The following MGLL variants were observed in gnomAD, a reference collection of about 807,000 sequenced individuals.
MGLL encodes the protein lysophospholipase homolog.
MGLL carries 7 observed loss-of-function variants against 29.1 expected under a neutral mutation model. The ratio of observed to expected loss-of-function variants is 0.24; its 90% CI spans 0.14 to 0.45. The LOEUF (loss-of-function observed/expected upper bound fraction) is 0.45, where lower values mean the gene tolerates loss of function less well. Among genes scored for constraint, MGLL ranks in the 20% least tolerant of loss-of-function variants. The probability of loss-of-function intolerance (pLI) is 0.99; values close to 1 mark genes in which losing one functional copy is unlikely to be tolerated. For synonymous variants in MGLL, 148 were observed against 168.3 expected (o/e 0.88, Z 0.93); for missense variants, 356 against 413.6 (o/e 0.86, Z 1.21).
At chr3:127,764,034 C>T (rs2076813140) in intron 3 of MGLL, among the ~76,000 whole-genome samples, 1 of 152,194 alleles carries the variant, frequency 6.6e-6, no homozygotes, top group Non-Finnish European at 1.5e-5. Flanking sequence ...TTGCATGCCA[C>T]TGTCTAAGCT....
intron 3 of MGLL, among the ~76,000 whole-genome samples, chr3:127,771,280 G>A (rs1205728041): frequency 2.0e-5 from 3 of 152,120 alleles, no homozygotes; most frequent in Non-Finnish European, 2.9e-5. Context: ...TGGACCCAGC[G>A]ACCATCCTCC....
At chr3:127,735,981 G>T (rs1209430978) in intron 3 of MGLL, 1 of 1,428,996 alleles carries the variant, frequency 7.0e-7, no homozygotes, top group Admixed American at 2.8e-5. Context: ...TTTCGGCTCA[G>T]TTCCTTCACG....
intron 2 of MGLL, among the ~76,000 whole-genome samples, chr3:127,789,208 G>T (rs1247101369): frequency 6.6e-6 from 1 of 152,198 alleles, no homozygotes; most frequent in Non-Finnish European, 1.5e-5. Context: ...AGGAGGAGCT[G>T]GGTATGAGTG....
At chr3:127,721,243 C>T in intron 4 of MGLL, 80 bp from the exon 5 acceptor site, 2 of 1,219,062 alleles carry the variant, frequency 1.6e-6, no homozygotes, top group East Asian at 2.4e-5. Context: ...CCAATGCAGT[C>T]CTCTTAAGCT....
At chr3:127,754,368 A>C (rs79710273) in intron 3 of MGLL, among the ~76,000 whole-genome samples, 13 of 151,668 alleles carry the variant, frequency 8.6e-5, no homozygotes, top group East Asian at 5.8e-4. Context: ...GAAAAAAAAA[A>C]CCAGATCTAT....
At chr3:127,791,778 C>T (rs1053137103) in intron 2 of MGLL, among the ~76,000 whole-genome samples, 1 of 152,234 alleles carries the variant, frequency 6.6e-6, no homozygotes, top group East Asian at 1.9e-4. Context: ...AGTCCTTTAA[C>T]ATGCAGCATC....
chr3:127,734,705 A>G (rs1262263589), intron 3 of MGLL, among the ~76,000 whole-genome samples: 1 of 152,212 alleles, frequency 6.6e-6, no homozygotes, highest in Non-Finnish European at 1.5e-5. Flanking sequence ...CCAAGGACCA[A>G]TCCACCTTTC....
chr3:127,796,805 A>G (rs1044642386), intron 2 of MGLL, among the ~76,000 whole-genome samples: 4 of 152,240 alleles, frequency 2.6e-5, no homozygotes, highest in African/African-American at 9.6e-5. Context: ...AGAAAATTAC[A>G]AGCCACAGCA....
chr3:127,699,899 G>C (rs542397089), intron 6 of MGLL, among the ~76,000 whole-genome samples: 4 of 152,338 alleles, frequency 2.6e-5, no homozygotes, highest in Admixed American at 2.6e-4. Context: ...AGACAGGCAT[G>C]TGCCCTCCTG....
chr3:127,762,986 G>T (rs1350504069), intron 3 of MGLL, among the ~76,000 whole-genome samples: 2 of 152,300 alleles, frequency 1.3e-5, no homozygotes, highest in East Asian at 3.9e-4. Context: ...CCCCATGGCA[G>T]CCTCCCCAGC....
chr3:127,778,955 A>C (rs1364969136), intron 3 of MGLL, among the ~76,000 whole-genome samples: 2 of 152,078 alleles, frequency 1.3e-5, no homozygotes, highest in African/African-American at 4.8e-5. Flanking sequence ...GGATCTCACT[A>C]TGTTGCCTGG....
chr3:127,736,277 GATACT>G (rs1484226473), intron 3 of MGLL: 1 of 985,590 alleles, frequency 1.0e-6, no homozygotes, highest in Non-Finnish European at 1.2e-6. Context: ...TAGGATGTGA[GATACT>G]ATATTTTTTA....
intron 3 of MGLL, among the ~76,000 whole-genome samples, chr3:127,763,945 C>T (rs988913574): frequency 1.3e-5 from 2 of 152,162 alleles, no homozygotes; most frequent in South Asian, 2.1e-4. Flanking sequence ...ACCCAGGTTC[C>T]GACATGGGTG....
intron 2 of MGLL, among the ~76,000 whole-genome samples, chr3:127,793,005 A>C (rs576251842): frequency 6.6e-6 from 1 of 152,354 alleles, no homozygotes; most frequent in Admixed American, 6.5e-5. Context: ...GTCATGACTC[A>C]AAATATTTTT....
intron 7 of MGLL, among the ~76,000 whole-genome samples, chr3:127,693,439 T>C (rs2075286373): frequency 6.6e-6 from 1 of 152,204 alleles, no homozygotes; most frequent in Non-Finnish European, 1.5e-5. Flanking sequence ...ACTTCACAGG[T>C]GGTGGGGCTC....
chr3:127,772,590 T>A (rs2076968051), intron 3 of MGLL, among the ~76,000 whole-genome samples: 1 of 152,198 alleles, frequency 6.6e-6, no homozygotes, highest in Non-Finnish European at 1.5e-5. Context: ...AAGCCAAGAC[T>A]CCCATGAGGC....
At chr3:127,720,418 C>G (rs1043600151) in intron 5 of MGLL, among the ~76,000 whole-genome samples, 7 of 152,178 alleles carry the variant, frequency 4.6e-5, no homozygotes, top group Non-Finnish European at 1.0e-4. Flanking sequence ...GCCGCCCTAC[C>G]GAGGCCACTG....
In MGLL at chr3:127,710,940, A is replaced by AT. The variant is rs1185365446; in HGVS notation, c.511-276dup. ...GTCACGTCTGAATTTTGCCCGCTCT[A>AT]TACCCTCCCCATGATCGCTCATGGG... On this transcript the variant is annotated intron_variant, in intron 5 of 7. Transcript: ENST00000265052. 119 of 487,412 alleles carry AT rather than the reference A, an allele frequency of 2.4e-4. 1 individual carries two copies. Among genetic ancestry groups the AT allele is most frequent in the Middle Eastern group, 1.2e-3 (2 of 1,730 alleles). 30.2% of individuals were successfully genotyped at this position (487,412 alleles called of 1,614,324 possible).
At chr3:127,739,276 T>C (rs1053801751) in intron 3 of MGLL, among the ~76,000 whole-genome samples, 6 of 152,178 alleles carry the variant, frequency 3.9e-5, no homozygotes, top group African/African-American at 1.4e-4. Context: ...CCTTTGCAAA[T>C]TGAGGGTAGT....
Sources: gnomAD v4.1 joint callset for allele counts (sites outside exome capture counted in the v4.1 genomes callset) on GRCh38, gnomAD v4.1.1 for gene constraint, MANE v1.5 for transcripts, NCBI Gene and HGNC (gene_info 2026-07-23, HGNC 2026-07-21) for gene names.